The following COL12A1 variants were observed in gnomAD, a reference collection of about 807,000 sequenced individuals.
COL12A1 encodes the protein collagen alpha-1(XII) chain.
A neutral mutation model predicts 349.7 loss-of-function variants in COL12A1; 114 were observed. The ratio of observed to expected loss-of-function variants is 0.33; its 90% CI spans 0.28 to 0.38. COL12A1 has a LOEUF of 0.38. Among genes scored for constraint, COL12A1 ranks in the 10% least tolerant of loss-of-function variants. The pLI is 1.00. For synonymous variants in COL12A1, 1,369 were observed against 1,329.0 expected, an observed-to-expected ratio of 1.03 and a Z score of -0.66; for missense variants, 3,284 against 3,756.9, an observed-to-expected ratio of 0.87 and a Z score of 3.29.
intron 39 of COL12A1, among the ~76,000 whole-genome samples, chr6:75,125,978 A>T (rs1165951066): frequency 6.6e-6 from 1 of 152,186 alleles, no homozygotes; most frequent in Non-Finnish European, 1.5e-5. Flanking sequence ...AGCTGCATGG[A>T]ATCTATGCCC....
intron 23 of COL12A1, among the ~76,000 whole-genome samples, chr6:75,146,881 G>T (rs1245807262): frequency 2.0e-5 from 3 of 152,174 alleles, no homozygotes; most frequent in Non-Finnish European, 4.4e-5. Context: ...AATATAAAGG[G>T]ATATAAGAGA....
At chr6:75,096,998 C>T (rs1768072841) in intron 59 of COL12A1, among the ~76,000 whole-genome samples, 1 of 152,060 alleles carries the variant, frequency 6.6e-6, no homozygotes, top group Non-Finnish European at 1.5e-5. Context: ...AACTGAGGCA[C>T]CAACCAGCTG....
chr6:75,103,802 A>G lies in COL12A1; in HGVS notation c.8274T>C (p.Pro2758=). The change falls in exon 55 of 66, where the codon CCT becomes CCC. Residue 2758 remains proline, a synonymous_variant. Coordinates refer to ENST00000322507, the MANE Select transcript of COL12A1 (RefSeq NM_004370.6). ...TTTCACCTCTGGGACCTTTAGCACC[A>G]GGTCCTCCCTAAAATACATAGAGCA... ...PPGPPGPAGG[P]GAKGPRGERG... 1 of 1,613,198 alleles carries G rather than the reference A, an allele frequency of 6.2e-7. No individual in the cohort carries two copies. Among genetic ancestry groups the G allele is most frequent in the Non-Finnish European group, 8.5e-7 (1 of 1,179,228 alleles).
rs1309451955 is a variant in COL12A1 at position 75,141,981 on chromosome 6, T to C, written c.4957+51A>G. On this transcript the variant is annotated intron_variant, in intron 27 of 65. Transcript: ENST00000322507. Reference sequence around the variant, plus strand: ...ATGACCCAGTAAATTGTGTTACACATGCATGTAAAGTGTTGTTTCCCATTA... The same window carrying C: ...ATGACCCAGTAAATTGTGTTACACACGCATGTAAAGTGTTGTTTCCCATTA... 6 of 1,607,160 alleles carry C rather than the reference T, an allele frequency of 3.7e-6. No individual in the cohort carries two copies. In the Admixed American group the frequency reaches 6.7e-5, roughly 18 times the overall value.
rs1293908889 is a variant in COL12A1, at chr6:75,183,133, T to A, written c.1808A>T (p.Asp603Val). ...ETHVFTVEDF[D>V]AFQRISFELT... ...TTCAAAAGATATCCTCTGAAAAGCATCAAAATCTTCCACTGTGAACACATG... is the reference window on the plus strand; with the variant it reads ...TTCAAAAGATATCCTCTGAAAAGCAACAAAATCTTCCACTGTGAACACATG... Residue 603 changes from aspartate (D) to valine (V), a missense_variant, in exon 10 of 66, where the codon GAT becomes GTT. Asp to Val is a radical substitution (Grantham distance 152). This residue lies in a region of COL12A1 where 2,601 missense variants were observed against 2,824.8 expected (regional missense o/e 0.92). Coordinates refer to ENST00000322507, the MANE Select transcript of COL12A1 (RefSeq NM_004370.6). 2 of 1,614,042 alleles carry A rather than the reference T, an allele frequency of 1.2e-6. No homozygotes were observed. Among genetic ancestry groups the A allele is most frequent in the Non-Finnish European group, 1.7e-6 (2 of 1,180,054 alleles).
At chr6:75,124,551 C>T (rs1765921982) in intron 40 of COL12A1, among the ~76,000 whole-genome samples, 180 bp from the exon 41 acceptor site, 2 of 151,914 alleles carry the variant, frequency 1.3e-5, no homozygotes, top group Admixed American at 1.3e-4. Context: ...CAAAATAGAC[C>T]CCCCTTTCTT....
At chr6:75,171,222 A>C (rs1270326589) in intron 13 of COL12A1, among the ~76,000 whole-genome samples, 1 of 152,200 alleles carries the variant, frequency 6.6e-6, no homozygotes, top group Non-Finnish European at 1.5e-5. Context: ...AGGGGAAAAA[A>C]ACAATGTAAA....
intron 31 of COL12A1, among the ~76,000 whole-genome samples, chr6:75,135,637 T>C (rs895343822): frequency 6.6e-6 from 1 of 152,218 alleles, no homozygotes; most frequent in African/African-American, 2.4e-5. Context: ...TGAGTGCACA[T>C]GTAGATGGCT....
chr6:75,154,355 G>T (rs1767645751), intron 17 of COL12A1, 61 bp downstream of exon 17: 1 of 1,568,012 alleles, frequency 6.4e-7, no homozygotes, highest in Non-Finnish European at 8.7e-7. Flanking sequence ...TACCCTAACA[G>T]TTCACATTTG....
intron 51 of COL12A1, among the ~76,000 whole-genome samples, chr6:75,111,788 T>C (rs1415398989): frequency 4.0e-5 from 6 of 151,758 alleles, no homozygotes; most frequent in Non-Finnish European, 4.4e-5. Context: ...TAAGTAGATA[T>C]ACGATTGTAC....
chr6:75,178,592 C>T (rs1249349166), intron 11 of COL12A1, among the ~76,000 whole-genome samples: 1 of 152,158 alleles, frequency 6.6e-6, no homozygotes, highest in Non-Finnish European at 1.5e-5. Flanking sequence ...CAAATGAGAA[C>T]ATCATTTGGT....
chr6:75,174,482 A>G (rs925959915), intron 13 of COL12A1, among the ~76,000 whole-genome samples: 15 of 152,264 alleles, frequency 9.9e-5, no homozygotes, highest in Non-Finnish European at 2.1e-4. Context: ...CGTGAACCAT[A>G]GAGGCAGAGC....
rs777308349 is a variant in COL12A1, at chr6:75,189,745, A to G, written c.465T>C (p.Asn155=). Residue 155 remains asparagine, a synonymous_variant, in exon 6 of 66, where the codon AAT becomes AAC. Coordinates refer to ENST00000322507, the MANE Select transcript of COL12A1 (RefSeq NM_004370.6). Reference sequence around the variant, plus strand: ...CAATGAAGTCTAAAATGTACTTGAAATTATTTCTTCCCACACTCCAAGAGC... The same window carrying G: ...CAATGAAGTCTAAAATGTACTTGAAGTTATTTCTTCCCACACTCCAAGAGC... The part of the protein sequence containing the change: ...VDGSWSVGRN[N]FKYILDFIAA... 5 of 1,613,304 alleles carry G rather than the reference A, an allele frequency of 3.1e-6. No individual in the cohort carries two copies. In the Admixed American group the frequency reaches 6.7e-5, roughly 22 times the overall value.
Position 75,095,158 on chromosome 6 carries a change from C to T in COL12A1, c.8599G>A (p.Val2867Ile), listed in dbSNP as rs1273355164. ...CCTGGCTTCCCACTTGGTCCTGTGA[C>T]TCCTGGGGAGCCTGGGCTTCCCTAC... is the stretch of plus-strand genomic sequence containing the variant. ...GPPGSPGSPG[V>I]TGPSGKPGKP... The change falls in exon 60 of 66, where the codon GTC (valine) becomes ATC (isoleucine). Residue 2867 changes from valine (V) to isoleucine (I), a missense_variant. By Grantham distance (29) the Val-to-Ile change is conservative. Coordinates refer to ENST00000322507, the MANE Select transcript of COL12A1 (RefSeq NM_004370.6). The T allele has an allele frequency of 1.9e-6, 3 of 1,613,964 alleles. No homozygotes were observed. The highest frequency in any genetic ancestry group is 1.3e-5 in the African/African-American group (1 of 74,926).
chr6:75,180,861 T>C (rs1038026969), intron 11 of COL12A1, 78 bp downstream of exon 11: 13 of 1,502,282 alleles, frequency 8.7e-6, no homozygotes, highest in South Asian at 5.2e-5. Flanking sequence ...ATAAAGCAGA[T>C]GGTTATTACA....
intron 13 of COL12A1, 31 bp from the exon 14 acceptor site, chr6:75,165,810 T>A (rs754853506): frequency 1.9e-5 from 30 of 1,594,072 alleles, no homozygotes; most frequent in African/African-American, 1.2e-4. Flanking sequence ...GAATCTTTTT[T>A]AAAAATGTCT....
At position 75,202,818 on chromosome 6, in the gene COL12A1, A is replaced by G; in HGVS notation, c.-26T>C. On this transcript the variant is annotated 5_prime_UTR_variant, in exon 2 of 66. An upstream start codon of the reference 5' UTR is lost. Coordinates refer to ENST00000322507, the MANE Select transcript of COL12A1 (RefSeq NM_004370.6). ...CCTTGGCCTCCGAGCTTACAGCGGC[A>G]TGAAGAGATCTGCGGGAGGAAGTAG... 6.4e-7 allele frequency: 1 copy of G among 1,550,738 alleles called. No homozygotes were observed. The highest frequency in any genetic ancestry group is 2.4e-5 in the East Asian group (1 of 40,906).
chr6:75,104,331 T>C (rs1488824102), intron 54 of COL12A1, among the ~76,000 whole-genome samples: 1 of 152,084 alleles, frequency 6.6e-6, no homozygotes, highest in African/African-American at 2.4e-5. Context: ...AGGACATAAT[T>C]TCATGATTAT....
Position 75,102,683 on chromosome 6 carries a change from CA to C in COL12A1, c.8328del (p.Gly2777ValfsTer6). The C allele has an allele frequency of 6.5e-7, 1 of 1,549,556 alleles. No individual in the cohort carries two copies. ...ERGISGAIGPPGPRGDIGPPG... is the reference protein window; with the variant it reads ...ERGISGAIGPXGPRGDIGPPG... ...GGAGGACCTATGTCTCCACGAGGAC[CA>C]GGGGGCCCCTAAAATACACAAGAGA... is the stretch of plus-strand genomic sequence containing the variant. On this transcript the variant is annotated frameshift_variant, in exon 56 of 66. Transcript: ENST00000322507. LOFTEE classifies it high-confidence loss of function.
Sources: allele counts gnomAD v4.1 joint callset (sites outside exome capture counted in the v4.1 genomes callset), GRCh38; gene constraint gnomAD v4.1.1; regional missense constraint gnomAD v4.1.1; transcripts MANE v1.5; gene names NCBI Gene and HGNC (gene_info 2026-07-23, HGNC 2026-07-21).